GPR139: variants seen among roughly 807,000 people sequenced by gnomAD.
GPR139 encodes the protein G protein-coupled receptor 139.
A neutral mutation model predicts 25.8 loss-of-function variants in GPR139; 12 were observed. That is an observed-to-expected ratio of 0.47 (90% CI 0.30 to 0.75). The LOEUF is 0.75. GPR139 is among the 30% of genes least tolerant of loss of function. The pLI is 0.07. For synonymous variants in GPR139, 184 were observed against 179.9 expected, an observed-to-expected ratio of 1.02 and a Z score of -0.18; for missense variants, 380 against 450.2, an observed-to-expected ratio of 0.84 and a Z score of 1.41.
chr16:20,054,028 C>G (rs72772744), intron 1 of GPR139, among the ~76,000 whole-genome samples: 11,822 of 152,184 alleles, frequency 0.078, 559 homozygotes, highest in Non-Finnish European at 0.11. Flanking sequence ...TCTTTGTGTG[C>G]TCATCCTGAC....
Position 20,046,975 on chromosome 16 carries a change from G to A in GPR139, c.128-14306C>T, listed in dbSNP as rs558842031. Among the ~76,000 whole-genome samples, 9 of 152,284 alleles carry A rather than the reference G, an allele frequency of 5.9e-5. No individual in the cohort carries two copies. In the East Asian group the frequency reaches 7.7e-4, roughly 13 times the overall value. ...ATTCTCAGCTACTTGGGAGGCTGAAGCAGGAGGATCACTTTAGCTCAGGAG... is the reference window on the plus strand; with the variant it reads ...ATTCTCAGCTACTTGGGAGGCTGAAACAGGAGGATCACTTTAGCTCAGGAG... On this transcript the variant is annotated intron_variant, in intron 1 of 1. Coordinates refer to ENST00000570682, the MANE Select transcript of GPR139 (RefSeq NM_001002911.4).
At chr16:20,040,269 G>A (rs372637228) in intron 1 of GPR139, among the ~76,000 whole-genome samples, 28 of 152,276 alleles carry the variant, frequency 1.8e-4, no homozygotes, top group African/African-American at 5.1e-4. Context: ...ACAAATAATC[G>A]TAAATTGTTG....
chr16:20,063,487 T>C (rs72772769), intron 1 of GPR139, among the ~76,000 whole-genome samples: 6,174 of 152,242 alleles, frequency 0.041, 151 homozygotes, highest in Non-Finnish European at 0.056. Context: ...GCCTGGGTGA[T>C]AGAGTGAGCC....
intron 1 of GPR139, among the ~76,000 whole-genome samples, chr16:20,072,974 G>C (rs918127225): frequency 6.6e-6 from 1 of 152,222 alleles, no homozygotes; most frequent in Admixed American, 6.5e-5. Context: ...AGTGCCCCCC[G>C]AGCAAGAGAG....
rs192785213 is a variant in GPR139 at position 20,038,922 on chromosome 16, G to A, written c.128-6253C>T. On this transcript the variant is annotated intron_variant, in intron 1 of 1. Coordinates refer to ENST00000570682, the MANE Select transcript of GPR139 (RefSeq NM_001002911.4). ...TAAGGGGTGAGTAAATGAAGAAACC[G>A]AAGTTCTCACTGCCTGAAATTCCAT... Among the ~76,000 whole-genome samples, 7 of 152,220 alleles carry A rather than the reference G, an allele frequency of 4.6e-5. No homozygotes were observed. The East Asian group carries it at 9.6e-4, about 21-fold the overall frequency.
At chr16:20,040,533 T>C (rs2057326157) in intron 1 of GPR139, among the ~76,000 whole-genome samples, 1 of 152,250 alleles carries the variant, frequency 6.6e-6, no homozygotes, top group African/African-American at 2.4e-5. Flanking sequence ...TGCTGGACGT[T>C]ACTTATTATG....
rs2057276686 is a variant in GPR139, at chr16:20,028,795, C to A, written c.*2940G>T. On this transcript the variant is annotated 3_prime_UTR_variant, in exon 2 of 2. Coordinates refer to ENST00000570682, the MANE Select transcript of GPR139 (RefSeq NM_001002911.4). The stretch of plus-strand genomic sequence containing the variant: ...GCAATGTCCAACCAAGGACACAAAT[C>A]ATATAGCAAGAGAGAAGCTAGTTAA... Among the ~76,000 whole-genome samples, 1 of 152,116 alleles carries A rather than the reference C, an allele frequency of 6.6e-6. No homozygotes were observed. Among genetic ancestry groups the A allele is most frequent in the South Asian group, 2.1e-4 (1 of 4,818 alleles).
chr16:20,038,329 ATGTGTGTGTG>A (rs1555465698), intron 1 of GPR139, among the ~76,000 whole-genome samples: 1,433 of 95,954 alleles, frequency 0.015, 38 homozygotes, highest in African/African-American at 0.044. Flanking sequence ...TAATATATAT[ATGTGTGTGTG>A]TGTGTGTGTG....
chr16:20,055,889 C>A (rs536154920), intron 1 of GPR139, among the ~76,000 whole-genome samples: 1 of 152,340 alleles, frequency 6.6e-6, no homozygotes, highest in South Asian at 2.1e-4. Flanking sequence ...GTTTTCTCAT[C>A]TGTAGAATTG....
intron 1 of GPR139, among the ~76,000 whole-genome samples, chr16:20,044,742 A>G (rs1272065391): frequency 6.6e-6 from 1 of 152,162 alleles, no homozygotes; most frequent in East Asian, 1.9e-4. Context: ...ATACCTAATA[A>G]CTACTGTGAA....
At chr16:20,066,918 T>G (rs938030843) in intron 1 of GPR139, among the ~76,000 whole-genome samples, 66 of 152,176 alleles carry the variant, frequency 4.3e-4, no homozygotes, top group Admixed American at 4.6e-4. Context: ...GGTCACAGAT[T>G]AGCAGTCAGG....
intron 1 of GPR139, among the ~76,000 whole-genome samples, chr16:20,038,478 C>A (rs1212714652): frequency 1.3e-5 from 2 of 152,020 alleles, no homozygotes; most frequent in East Asian, 1.9e-4. Flanking sequence ...AGTATTCCAA[C>A]CCCATCTAAT....
intron 1 of GPR139, among the ~76,000 whole-genome samples, chr16:20,060,876 C>T (rs1017887347): frequency 6.6e-6 from 1 of 152,190 alleles, no homozygotes; most frequent in Non-Finnish European, 1.5e-5. Context: ...CTCCGTTCCA[C>T]TCTTTCCTTC....
rs932158239 is a variant in GPR139, at chr16:20,040,655, G to A, written c.128-7986C>T. On this transcript the variant is annotated intron_variant, in intron 1 of 1. Coordinates refer to ENST00000570682, the MANE Select transcript of GPR139 (RefSeq NM_001002911.4). ...TTAAAGGGTAACACACTTTTCTTCC[G>A]TCTTTCCCTTTCTTCCACTTCTCTC... Among the ~76,000 whole-genome samples the A allele has an allele frequency of 6.6e-5, 10 of 152,136 alleles. No homozygotes were observed. In the South Asian group the frequency reaches 8.3e-4, roughly 13 times the overall value.
At position 20,028,546 on chromosome 16, in the gene GPR139, T is replaced by C. The variant is rs2057275942; in HGVS notation, c.*3189A>G. ...TGAACTGGAATAGCCAACATTAGAG[T>C]CTTTTATTCACTTCGGGTAGGCTCC... On this transcript the variant is annotated 3_prime_UTR_variant, in exon 2 of 2. Coordinates refer to ENST00000570682, the MANE Select transcript of GPR139 (RefSeq NM_001002911.4). 6.6e-6 allele frequency among the ~76,000 whole-genome samples: 1 copy of C among 152,002 alleles called. No homozygotes were observed. Among genetic ancestry groups the C allele is most frequent in the Admixed American group, 6.6e-5 (1 of 15,260 alleles).
At chr16:20,067,251 G>A (rs1284660805) in intron 1 of GPR139, among the ~76,000 whole-genome samples, 1 of 152,116 alleles carries the variant, frequency 6.6e-6, no homozygotes, top group East Asian at 1.9e-4. Context: ...CTACATCATT[G>A]GTCTATGCTC....
At chr16:20,049,851 T>C (rs992938020) in intron 1 of GPR139, among the ~76,000 whole-genome samples, 1 of 152,216 alleles carries the variant, frequency 6.6e-6, no homozygotes, top group African/African-American at 2.4e-5. Flanking sequence ...ATAAAGTGCT[T>C]AGAAGAGCAC....
chr16:20,052,030 T>C (rs2057373951), intron 1 of GPR139, among the ~76,000 whole-genome samples: 1 of 152,034 alleles, frequency 6.6e-6, no homozygotes, highest in African/African-American at 2.4e-5. Flanking sequence ...CCTTTGCCAG[T>C]CTCCATCCCA....
intron 1 of GPR139, among the ~76,000 whole-genome samples, chr16:20,057,083 C>A (rs1460795925): frequency 6.6e-6 from 1 of 152,194 alleles, no homozygotes; most frequent in Non-Finnish European, 1.5e-5. Context: ...ATGAACAAGG[C>A]AGAGTGGTCT....
Sources: gnomAD v4.1 joint callset for allele counts (sites outside exome capture counted in the v4.1 genomes callset) on GRCh38, gnomAD v4.1.1 for gene constraint, MANE v1.5 for transcripts, NCBI Gene and HGNC (gene_info 2026-07-23, HGNC 2026-07-21) for gene names.